KCNQ5: variants seen among roughly 807,000 people sequenced by gnomAD.
KCNQ5 encodes potassium voltage-gated channel subfamily KQT member 5.
Under a neutral mutation model 98.2 loss-of-function variants are expected in KCNQ5, and 30 were observed. That is an observed-to-expected ratio of 0.31 (90% confidence interval 0.23 to 0.41). The LOEUF (loss-of-function observed/expected upper bound fraction) is 0.41, where lower values mean the gene tolerates loss of function less well. Ranked by LOEUF, KCNQ5 falls within the 10% of genes least tolerant of loss-of-function variation. The pLI is 1.00. For synonymous variants in KCNQ5, 458 were observed against 449.4 expected, an observed-to-expected ratio of 1.02 and a Z score of -0.24; for missense variants, 835 against 1,182.5, an observed-to-expected ratio of 0.71 and a Z score of 4.31.
intron 8 of KCNQ5, among the ~76,000 whole-genome samples, chr6:73,123,618 A>G (rs140715526): frequency 6.6e-5 from 10 of 152,334 alleles, no homozygotes; most frequent in African/African-American, 2.4e-4. Context: ...TTTTAATAAC[A>G]GAAGGATGTA....
At chr6:72,822,149 C>A (rs1277085653) in intron 1 of KCNQ5, among the ~76,000 whole-genome samples, 1 of 152,130 alleles carries the variant, frequency 6.6e-6, no homozygotes, top group Admixed American at 6.6e-5. Context: ...ATCTCTAGTA[C>A]CTTCTGTGAC....
chr6:72,899,307 A>C (rs558547891), intron 1 of KCNQ5, among the ~76,000 whole-genome samples: 1 of 152,282 alleles, frequency 6.6e-6, no homozygotes, highest in East Asian at 1.9e-4. Context: ...ACATGTACCA[A>C]TATTTCCCAG....
At chr6:72,811,520 A>C (rs978969488) in intron 1 of KCNQ5, among the ~76,000 whole-genome samples, 10 of 152,202 alleles carry the variant, frequency 6.6e-5, no homozygotes, top group African/African-American at 2.4e-4. Flanking sequence ...CCTACTAAAA[A>C]AGAATGCTAT....
intron 1 of KCNQ5, among the ~76,000 whole-genome samples, chr6:73,002,668 A>G (rs911237911): frequency 1.3e-5 from 2 of 152,206 alleles, no homozygotes; most frequent in African/African-American, 4.8e-5. Flanking sequence ...TCAGGGGTCA[A>G]CAAACATTTC....
chr6:73,083,964 A>G (rs1773879851), intron 5 of KCNQ5, among the ~76,000 whole-genome samples: 1 of 152,206 alleles, frequency 6.6e-6, no homozygotes, highest in Non-Finnish European at 1.5e-5. Context: ...GGAAGTATCA[A>G]AAATATATTA....
intron 1 of KCNQ5, among the ~76,000 whole-genome samples, chr6:72,818,826 T>C (rs1775622576): frequency 6.6e-6 from 1 of 151,364 alleles, no homozygotes; most frequent in African/African-American, 2.4e-5. Flanking sequence ...TTAGTATTTG[T>C]TTAAATAATC....
At chr6:72,935,718 C>T (rs548439713) in intron 1 of KCNQ5, among the ~76,000 whole-genome samples, 17 of 152,322 alleles carry the variant, frequency 1.1e-4, no homozygotes, top group African/African-American at 3.8e-4. Flanking sequence ...GTCTCCACTT[C>T]CTTCATCTCC....
intron 1 of KCNQ5, chr6:72,967,763 T>C (rs1399722827): frequency 6.5e-6 from 1 of 154,824 alleles, no homozygotes; most frequent in Non-Finnish European, 1.5e-5. Context: ...CATTCACACC[T>C]AAGAAGTTAA....
At chr6:72,854,885 A>G (rs1362157152) in intron 1 of KCNQ5, among the ~76,000 whole-genome samples, 1 of 151,630 alleles carries the variant, frequency 6.6e-6, no homozygotes, top group African/African-American at 2.4e-5. Context: ...AGCCTTGTGG[A>G]AGGAAAGACA....
intron 1 of KCNQ5, among the ~76,000 whole-genome samples, chr6:72,887,807 A>C (rs1339703725): frequency 6.6e-6 from 1 of 152,156 alleles, no homozygotes; most frequent in Non-Finnish European, 1.5e-5. Context: ...AACTAAGAAG[A>C]GGAAAAAAAA....
At chr6:73,117,811 T>C (rs1354019473) in intron 7 of KCNQ5, among the ~76,000 whole-genome samples, 1 of 152,232 alleles carries the variant, frequency 6.6e-6, no homozygotes, top group Non-Finnish European at 1.5e-5. Flanking sequence ...TCCTTAATTA[T>C]TCTAAATCAC....
chr6:73,193,153 T>C (rs1765658886), intron 13 of KCNQ5, among the ~76,000 whole-genome samples: 1 of 151,708 alleles, frequency 6.6e-6, no homozygotes, highest in Non-Finnish European at 1.5e-5. Context: ...CCCAAGTAGA[T>C]GGGATTACAG....
chr6:73,017,931 C>T (rs996619210), intron 2 of KCNQ5, among the ~76,000 whole-genome samples: 5 of 152,034 alleles, frequency 3.3e-5, no homozygotes, highest in Non-Finnish European at 7.4e-5. Flanking sequence ...GAGGACCACC[C>T]CTAGGAGTGC....
At chr6:72,953,639 G>T (rs1436654511) in intron 1 of KCNQ5, among the ~76,000 whole-genome samples, 1 of 151,964 alleles carries the variant, frequency 6.6e-6, no homozygotes, top group Non-Finnish European at 1.5e-5. Context: ...CATCCCTTCT[G>T]TAACTAAGAA....
intron 5 of KCNQ5, among the ~76,000 whole-genome samples, chr6:73,095,013 T>C (rs994764783): frequency 4.6e-5 from 7 of 152,226 alleles, no homozygotes; most frequent in Non-Finnish European, 7.3e-5. Flanking sequence ...CCCTGAAATA[T>C]GTTTTCCAAA....
intron 1 of KCNQ5, chr6:72,987,856 C>T (rs548925480): frequency 5.7e-6 from 2 of 352,814 alleles, no homozygotes; most frequent in African/African-American, 4.3e-5. Context: ...TTGGTGATGA[C>T]CTTGAGCAGT....
In KCNQ5 at chr6:72,673,094, C is replaced by T. The variant is rs182004780; in HGVS notation, c.398+50507C>T. Among the ~76,000 whole-genome samples, 274 of 152,280 alleles carry T rather than the reference C, an allele frequency of 1.8e-3. 2 individuals are homozygous for T. Among genetic ancestry groups the T allele is most frequent in the Non-Finnish European group, 1.3e-3 (90 of 68,014 alleles). On this transcript the variant is annotated intron_variant, in intron 1 of 13. Transcript: ENST00000370398. ...AAAGTAGAATTGGCCTCTGGGGAGG[C>T]TGTGGAATCCCATTTGTGACAGCTG... is the stretch of plus-strand genomic sequence containing the variant.
chr6:72,968,934 T>C (rs1255221007), intron 1 of KCNQ5, among the ~76,000 whole-genome samples: 1 of 152,148 alleles, frequency 6.6e-6, no homozygotes, highest in Non-Finnish European at 1.5e-5. Flanking sequence ...AGCTTCCCTT[T>C]GGACTAGTCA....
intron 1 of KCNQ5, among the ~76,000 whole-genome samples, chr6:72,779,533 G>T (rs1773343279): frequency 1.3e-5 from 2 of 152,092 alleles, no homozygotes; most frequent in African/African-American, 4.8e-5. Context: ...AATAAGGTTA[G>T]GTGGAGTTCT....
Sources: allele counts gnomAD v4.1 joint callset (sites outside exome capture counted in the v4.1 genomes callset), GRCh38; gene constraint gnomAD v4.1.1; transcripts MANE v1.5; gene names NCBI Gene and HGNC (gene_info 2026-07-23, HGNC 2026-07-21).